PABPC4L: variants seen among roughly 807,000 people sequenced by gnomAD.
The protein encoded by PABPC4L is poly(A) binding protein cytoplasmic 4 like.
For synonymous variants in PABPC4L, 169 were observed against 164.1 expected (o/e 1.03, Z -0.23); for missense variants, 452 against 451.4 (o/e 1.00, Z -0.01).
At chr4:134,060,130 C>A in the PABPC4L span, among the ~76,000 whole-genome samples, 3 of 152,058 alleles carry the variant, frequency 2.0e-5, no homozygotes, top group Non-Finnish European at 4.4e-5. Context: ...GAATCCCACC[C>A]ATGGAGATAG....
At chr4:134,161,290 G>T in the PABPC4L span, among the ~76,000 whole-genome samples, 2 of 151,312 alleles carry the variant, frequency 1.3e-5, no homozygotes, top group Non-Finnish European at 2.9e-5. Flanking sequence ...CTACAAAATA[G>T]CCTAAAGAAG....
the PABPC4L span, among the ~76,000 whole-genome samples, chr4:134,079,733 C>G: frequency 2.6e-5 from 4 of 151,434 alleles, no homozygotes; most frequent in Non-Finnish European, 5.9e-5. Context: ...GAGATTTCCC[C>G]CCAATTAATA....
At chr4:134,099,958 G>A in the PABPC4L span, among the ~76,000 whole-genome samples, 1 of 151,680 alleles carries the variant, frequency 6.6e-6, no homozygotes, top group Non-Finnish European at 1.5e-5. Context: ...GTCCACTTAT[G>A]CATTACTATT....
At chr4:134,100,363 A>C in the PABPC4L span, among the ~76,000 whole-genome samples, 7 of 151,702 alleles carry the variant, frequency 4.6e-5, no homozygotes, top group Non-Finnish European at 8.9e-5. Flanking sequence ...ATTGAAATTC[A>C]GAAACTAAAC....
chr4:134,059,398 A>T, the PABPC4L span, among the ~76,000 whole-genome samples: 1,184 of 149,838 alleles, frequency 7.9e-3, 15 homozygotes, highest in African/African-American at 0.027. Flanking sequence ...ATATATATAT[A>T]TATATATAGT....
rs1465623550 is a variant in PABPC4L, at chr4:134,200,577, C to T, written c.443G>A (p.Ser148Asn). Residue 148 changes from serine to asparagine, a missense_variant, in exon 2 of 2, where the codon AGT (serine) becomes AAT (asparagine). Coordinates refer to ENST00000421491, the MANE Select transcript of PABPC4L (RefSeq NM_001114734.2). Reference sequence around the variant, plus strand: ...CTCCTCAATGGCCCTGTCTGCAGCACTCTGGTTCTGAAAGTGCACAAATGC... The same window carrying T: ...CTCCTCAATGGCCCTGTCTGCAGCATTCTGGTTCTGAAAGTGCACAAATGC... ...GYAFVHFQNQ[S>N]AADRAIEEMN... 3.9e-6 allele frequency: 6 copies of T among 1,551,524 alleles called. No individual in the cohort carries two copies. The highest frequency in any genetic ancestry group is 5.2e-6 in the Non-Finnish European group (6 of 1,146,994).
At chr4:134,059,836 C>A in the PABPC4L span, among the ~76,000 whole-genome samples, 1 of 151,982 alleles carries the variant, frequency 6.6e-6, no homozygotes, top group Non-Finnish European at 1.5e-5. Context: ...GACAGGAATA[C>A]CAAATTTAAC....
the PABPC4L span, among the ~76,000 whole-genome samples, chr4:134,142,167 AT>A: frequency 6.6e-6 from 1 of 151,758 alleles, no homozygotes; most frequent in Non-Finnish European, 1.5e-5. Flanking sequence ...TTTTTCAAAG[AT>A]TAGTAGTTCT....
chr4:134,154,411 C>G, the PABPC4L span, among the ~76,000 whole-genome samples: 1 of 152,018 alleles, frequency 6.6e-6, no homozygotes, highest in Non-Finnish European at 1.5e-5. Context: ...AGCTGAGATC[C>G]TGCCACTGAC....
At chr4:133,970,094 T>C in the PABPC4L span, among the ~76,000 whole-genome samples, 1 of 147,648 alleles carries the variant, frequency 6.8e-6, no homozygotes, top group Non-Finnish European at 1.5e-5. Flanking sequence ...ATTTAAAAAA[T>C]ATATATTTAT....
the PABPC4L span, among the ~76,000 whole-genome samples, chr4:134,179,498 G>T: frequency 6.6e-6 from 1 of 152,170 alleles, no homozygotes; most frequent in East Asian, 1.9e-4. Context: ...ATAATATCCA[G>T]CTAACAACAT....
chr4:134,073,895 TCCCGAGGCTGCACAGAGCAGGGGAGC>T, the PABPC4L span, among the ~76,000 whole-genome samples: 1 of 152,120 alleles, frequency 6.6e-6, no homozygotes, highest in African/African-American at 2.4e-5. Context: ...GGGCACCATG[TCCCGAGGCTGCACAGAGCAGGGGAGC>T]CCTGGGTGTA....
the PABPC4L span, among the ~76,000 whole-genome samples, chr4:134,143,434 C>T: frequency 7.4e-5 from 11 of 149,484 alleles, no homozygotes; most frequent in Admixed American, 6.7e-4. Context: ...GTTTAAATTG[C>T]TTTGTCATTG....
chr4:134,197,940 A>G lies in PABPC4L; in HGVS notation c.*1967T>C, dbSNP rs1167217870. On this transcript the variant is annotated 3_prime_UTR_variant, in exon 2 of 2. Transcript: ENST00000421491. ...TGATTCTTTTTTAACCATTAATTCTACTTCTAAACATTTTCTTAAGAAAAT... is the reference window on the plus strand; with the variant it reads ...TGATTCTTTTTTAACCATTAATTCTGCTTCTAAACATTTTCTTAAGAAAAT... 3 of 151,768 alleles carry G rather than the reference A, an allele frequency of 2.0e-5. No homozygotes were observed. Among genetic ancestry groups the G allele is most frequent in the Non-Finnish European group, 4.4e-5 (3 of 67,714 alleles). The allele number at this position is 151,768 out of a possible 1,614,324, so 9.4% of individuals were successfully genotyped here.
At chr4:134,163,402 T>A in the PABPC4L span, among the ~76,000 whole-genome samples, 1 of 152,144 alleles carries the variant, frequency 6.6e-6, no homozygotes, top group Non-Finnish European at 1.5e-5. Flanking sequence ...GCTAGATGAA[T>A]TTGCAGCCAA....
At chr4:134,178,487 G>GT in the PABPC4L span, among the ~76,000 whole-genome samples, 107,361 of 151,602 alleles carry the variant, frequency 0.71, 39,565 homozygotes, top group East Asian at 1. Context: ...AAGCCAGAGT[G>GT]TTTTTTTACC....
the PABPC4L span, among the ~76,000 whole-genome samples, chr4:134,111,677 G>A: frequency 1.5e-4 from 23 of 151,902 alleles, no homozygotes; most frequent in African/African-American, 5.3e-4. Flanking sequence ...TCTCGTGATC[G>A]TTAATAAGTC....
At chr4:134,095,325 T>C in the PABPC4L span, among the ~76,000 whole-genome samples, 1 of 151,966 alleles carries the variant, frequency 6.6e-6, no homozygotes, top group Non-Finnish European at 1.5e-5. Flanking sequence ...ATATTCACTC[T>C]AGTGTGATAC....
At chr4:133,967,370 C>G in the PABPC4L span, among the ~76,000 whole-genome samples, 3 of 152,044 alleles carry the variant, frequency 2.0e-5, no homozygotes, top group Non-Finnish European at 4.4e-5. Context: ...ACATTCCACT[C>G]TAGGTGAAAA....
Sources: allele counts gnomAD v4.1 joint callset (sites outside exome capture counted in the v4.1 genomes callset), GRCh38; gene constraint gnomAD v4.1.1; transcripts MANE v1.5; gene names NCBI Gene and HGNC (gene_info 2026-07-23, HGNC 2026-07-21).